Variants in DLGAP1 observed in about 807,000 individuals in gnomAD.
The protein encoded by DLGAP1 is DLG associated protein 1.
In DLGAP1, 11 loss-of-function variants were observed where a neutral mutation model predicts 90.8. The ratio of observed to expected loss-of-function variants is 0.12; its 90% CI spans 0.08 to 0.20. The LOEUF is 0.20. DLGAP1 is among the 10% of genes least tolerant of loss of function. The probability of loss-of-function intolerance (pLI) is 1.00; values close to 1 mark genes in which losing one functional copy is unlikely to be tolerated. For missense variants in DLGAP1, 1,050 were observed against 1,333.8 expected (o/e 0.79, Z 3.31); for synonymous variants, 558 against 540.7 (o/e 1.03, Z -0.44).
At chr18:4,154,267 C>T (rs1339108427) in intron 1 of DLGAP1, among the ~76,000 whole-genome samples, 1 of 150,338 alleles carries the variant, frequency 6.7e-6, no homozygotes, top group Non-Finnish European at 1.5e-5. Context: ...GATAGAGTCT[C>T]TCCATGTTGC....
At chr18:4,020,590 A>G (rs2074592968) in intron 2 of DLGAP1, among the ~76,000 whole-genome samples, 1 of 152,208 alleles carries the variant, frequency 6.6e-6, no homozygotes, top group South Asian at 2.1e-4. Context: ...AAATTATGAC[A>G]GTGAAAGAGA....
At chr18:4,317,102 T>C (rs1445881707) in intron 1 of DLGAP1, among the ~76,000 whole-genome samples, 5 of 152,282 alleles carry the variant, frequency 3.3e-5, no homozygotes, top group African/African-American at 1.2e-4. Context: ...GGTTTTAATA[T>C]TTCCACGCAA....
chr18:4,299,923 A>G (rs1470138952), intron 1 of DLGAP1, among the ~76,000 whole-genome samples: 1 of 152,210 alleles, frequency 6.6e-6, no homozygotes, highest in East Asian at 1.9e-4. Context: ...ATTAAAACTA[A>G]TAAGAAATCT....
At chr18:4,269,429 C>T (rs1428287615) in intron 1 of DLGAP1, among the ~76,000 whole-genome samples, 1 of 150,674 alleles carries the variant, frequency 6.6e-6, no homozygotes, top group African/African-American at 2.4e-5. Context: ...TCTCAGCTCA[C>T]TGCAAGCTCT....
At chr18:3,600,757 GATATAT>G (rs375384194) in intron 7 of DLGAP1, among the ~76,000 whole-genome samples, 1 of 8,718 alleles carries the variant, frequency 1.1e-4, no homozygotes, top group African/African-American at 4.6e-4. Context: ...GATATATATA[GATATAT>G]AGATATATAT....
At chr18:4,056,134 A>G (rs959799691) in intron 2 of DLGAP1, among the ~76,000 whole-genome samples, 2 of 152,180 alleles carry the variant, frequency 1.3e-5, no homozygotes, top group African/African-American at 2.4e-5. Context: ...GAGGCAGGTT[A>G]TCTATGGGGA....
Position 3,955,714 on chromosome 18 carries a change from CA to C in DLGAP1, c.-73+49401del, listed in dbSNP as rs1201869271. On this transcript the variant is annotated intron_variant, in intron 3 of 12. Transcript: ENST00000315677. Reference sequence around the variant, plus strand: ...GGGCAAAAAGAGTGAAACTCCGTCTCAAAAAAAAAAAAAAGTTAGGTAGAGA... The same window carrying C: ...GGGCAAAAAGAGTGAAACTCCGTCTCAAAAAAAAAAAAAGTTAGGTAGAGA... 3.4e-3 allele frequency among the ~76,000 whole-genome samples: 417 copies of C among 123,614 alleles called. 1 individual carries two copies. The highest frequency in any genetic ancestry group is 6.7e-3 in the African/African-American group (220 of 33,070). The allele number at this position is 123,614 out of a possible 152,430, so 81.1% of individuals were successfully genotyped here.
At chr18:4,151,869 A>T (rs908113732) in intron 1 of DLGAP1, among the ~76,000 whole-genome samples, 2 of 152,344 alleles carry the variant, frequency 1.3e-5, no homozygotes, top group African/African-American at 4.8e-5. Context: ...TGCGGGTCTT[A>T]AAACCTAGAT....
At chr18:4,044,559 G>A (rs1194287463) in intron 2 of DLGAP1, among the ~76,000 whole-genome samples, 5 of 152,084 alleles carry the variant, frequency 3.3e-5, no homozygotes, top group Non-Finnish European at 7.4e-5. Context: ...TGGCCAAGAT[G>A]GTGAAACCCT....
rs2077635646 is a variant in DLGAP1, at chr18:4,202,964, T to C, written c.-266-51677A>G. 2.0e-5 allele frequency among the ~76,000 whole-genome samples: 3 copies of C among 152,298 alleles called. No individual in the cohort carries two copies. The South Asian group carries it at 6.2e-4, about 32-fold the overall frequency. Reference sequence around the variant, plus strand: ...CAGATTTTCTCTCTGAATTAGTCCTTAAATCACCTGATTAAAATATGATAC... The same window carrying C: ...CAGATTTTCTCTCTGAATTAGTCCTCAAATCACCTGATTAAAATATGATAC... On this transcript the variant is annotated intron_variant, in intron 1 of 12. Coordinates refer to ENST00000315677, the MANE Select transcript of DLGAP1 (RefSeq NM_004746.4).
At chr18:3,961,660 C>T (rs2073200731) in intron 3 of DLGAP1, among the ~76,000 whole-genome samples, 1 of 152,230 alleles carries the variant, frequency 6.6e-6, no homozygotes, top group Non-Finnish European at 1.5e-5. Flanking sequence ...AGGGCACACA[C>T]TGATGCCTGG....
rs1223990368 is a variant in DLGAP1 at position 3,508,588 on chromosome 18, T to G, written c.2553A>C (p.Glu851Asp). 1 of 1,613,020 alleles carries G rather than the reference T, an allele frequency of 6.2e-7. No homozygotes were observed. Among genetic ancestry groups the G allele is most frequent in the Non-Finnish European group, 8.5e-7 (1 of 1,179,596 alleles). Residue 851 changes from glutamate (E) to aspartate (D), a missense_variant, in exon 11 of 13, where the codon GAA (glutamate) becomes GAC (aspartate). Around this residue, in one of 2 missense-constraint regions of DLGAP1, gnomAD observed 565 missense variants for 879.7 expected, o/e 0.64. Coordinates refer to ENST00000315677, the MANE Select transcript of DLGAP1 (RefSeq NM_004746.4). ...LMAQKFYQFR[E>D]LCEENLNPNA... ...TACCTACCAGGTTTTCTTCACACAG[T>G]TCTCTGAACTGGTAGAATTTCTGGG...
chr18:4,370,395 A>G lies in DLGAP1; in HGVS notation c.-267+84611T>C, dbSNP rs142635574. ...GCTCATGAAAGAAGTCAAGGTGGAA[A>G]TAGAGATTTCATGACCAGCAGTACA... On this transcript the variant is annotated intron_variant, in intron 1 of 12. Coordinates refer to ENST00000315677, the MANE Select transcript of DLGAP1 (RefSeq NM_004746.4). Among the ~76,000 whole-genome samples the G allele has an allele frequency of 4.2e-3, 641 of 152,316 alleles. 8 individuals are homozygous for G. Among genetic ancestry groups the G allele is most frequent in the African/African-American group, 0.014 (576 of 41,568 alleles).
intron 1 of DLGAP1, among the ~76,000 whole-genome samples, chr18:4,423,081 A>G (rs561169220): frequency 5.3e-5 from 8 of 152,192 alleles, no homozygotes; most frequent in Admixed American, 1.3e-4. Flanking sequence ...TACTACTACT[A>G]GAAAGTAACT....
chr18:3,580,393 C>G, intron 8 of DLGAP1: 1 of 1,613,866 alleles, frequency 6.2e-7, no homozygotes, highest in Non-Finnish European at 8.5e-7. Flanking sequence ...TACCTAAGCA[C>G]CAGGTGGACA....
intron 1 of DLGAP1, among the ~76,000 whole-genome samples, chr18:4,273,026 G>T (rs2079320560): frequency 6.6e-6 from 1 of 152,130 alleles, no homozygotes; most frequent in African/African-American, 2.4e-5. Context: ...AGGGCCTTCA[G>T]AGAGAGGAAG....
intron 7 of DLGAP1, among the ~76,000 whole-genome samples, chr18:3,664,207 CA>C (rs2059791905): frequency 7.1e-6 from 1 of 139,964 alleles, no homozygotes; most frequent in African/African-American, 3.0e-5. Context: ...CACACACACA[CA>C]CACACACACC....
At chr18:3,794,994 G>C (rs1175677032) in intron 5 of DLGAP1, among the ~76,000 whole-genome samples, 1 of 152,220 alleles carries the variant, frequency 6.6e-6, no homozygotes, top group African/African-American at 2.4e-5. Flanking sequence ...GAATATCTTA[G>C]AGATGCAAAC....
chr18:4,246,883 A>G (rs2078663702), intron 1 of DLGAP1, among the ~76,000 whole-genome samples: 1 of 132,706 alleles, frequency 7.5e-6, no homozygotes, highest in Non-Finnish European at 1.7e-5. Context: ...GAAAAGAAAA[A>G]GCGAGAGAGA....
Sources: allele counts gnomAD v4.1 joint callset (sites outside exome capture counted in the v4.1 genomes callset), GRCh38; gene constraint gnomAD v4.1.1; regional missense constraint gnomAD v4.1.1; transcripts MANE v1.5; gene names NCBI Gene and HGNC (gene_info 2026-07-23, HGNC 2026-07-21).